SLC2A13: variants seen among roughly 807,000 people sequenced by gnomAD.
SLC2A13 encodes solute carrier family 2 member 13, also known as proton myo-inositol cotransporter.
Under a neutral mutation model 64.4 loss-of-function variants are expected in SLC2A13, and 32 were observed. That is an observed-to-expected ratio of 0.50 (90% confidence interval 0.37 to 0.67). The LOEUF (loss-of-function observed/expected upper bound fraction) is 0.67, where lower values mean the gene tolerates loss of function less well. Ranked by LOEUF, SLC2A13 falls within the 30% of genes least tolerant of loss-of-function variation. SLC2A13 has a pLI of 0.00. For synonymous variants in SLC2A13, 338 were observed against 327.1 expected (o/e 1.03, Z -0.36); for missense variants, 743 against 829.2 (o/e 0.90, Z 1.28).
chr12:39,878,798 G>A (rs1275344337), intron 4 of SLC2A13, among the ~76,000 whole-genome samples: 1 of 152,248 alleles, frequency 6.6e-6, no homozygotes, highest in Admixed American at 6.5e-5. Flanking sequence ...ATTTGCTAGA[G>A]AAATTTGCAT....
intron 1 of SLC2A13, among the ~76,000 whole-genome samples, chr12:40,057,298 A>C (rs1948346688): frequency 6.6e-6 from 1 of 152,156 alleles, no homozygotes; most frequent in Non-Finnish European, 1.5e-5. Context: ...AAACCATTAT[A>C]AGAAAAATAA....
chr12:39,963,999 C>A (rs1191594130), intron 3 of SLC2A13, among the ~76,000 whole-genome samples: 1 of 152,064 alleles, frequency 6.6e-6, no homozygotes, highest in Admixed American at 6.5e-5. Context: ...TTGAAATTGT[C>A]CCCCAGATTC....
intron 4 of SLC2A13, among the ~76,000 whole-genome samples, chr12:39,923,696 G>GCACACACA (rs368849811): frequency 2.7e-5 from 4 of 146,992 alleles, no homozygotes; most frequent in African/African-American, 1.0e-4. Context: ...ATGCGCACGC[G>GCACACACA]CACACACACA....
chr12:40,064,288 TA>T (rs1456755466), intron 1 of SLC2A13, among the ~76,000 whole-genome samples: 1 of 152,062 alleles, frequency 6.6e-6, no homozygotes, highest in African/African-American at 2.4e-5. Context: ...TGTATACATA[TA>T]TATTAATATG....
intron 7 of SLC2A13, among the ~76,000 whole-genome samples, chr12:39,815,068 T>G (rs533484305): frequency 2.6e-5 from 4 of 151,676 alleles, no homozygotes; most frequent in Non-Finnish European, 5.9e-5. Context: ...ATCAGCAAAC[T>G]AAGGATTAGA....
chr12:40,101,907 C>T (rs1279412529), intron 1 of SLC2A13, among the ~76,000 whole-genome samples: 4 of 151,302 alleles, frequency 2.6e-5, no homozygotes. Flanking sequence ...GAGACCCATT[C>T]CTCAGACTCA....
intron 3 of SLC2A13, among the ~76,000 whole-genome samples, chr12:39,968,505 A>T (rs1171871184): frequency 2.6e-5 from 4 of 151,988 alleles, no homozygotes; most frequent in Admixed American, 2.6e-4. Flanking sequence ...CTTGTAGCTC[A>T]GCAAAAATGG....
chr12:40,058,379 T>C (rs1467683566), intron 1 of SLC2A13, among the ~76,000 whole-genome samples: 1 of 152,152 alleles, frequency 6.6e-6, no homozygotes, highest in Non-Finnish European at 1.5e-5. Flanking sequence ...TCCAAGATAC[T>C]TTTAAATTAG....
intron 4 of SLC2A13, among the ~76,000 whole-genome samples, chr12:39,932,208 A>AT (rs35845678): frequency 1.3e-5 from 2 of 150,844 alleles, no homozygotes; most frequent in Non-Finnish European, 3.0e-5. Context: ...GAAAATGGAT[A>AT]TTTTTTTCCA....
chr12:40,008,114 T>C (rs952373114), intron 3 of SLC2A13, among the ~76,000 whole-genome samples: 1 of 152,172 alleles, frequency 6.6e-6, no homozygotes, highest in Non-Finnish European at 1.5e-5. Context: ...AAAAAACCTA[T>C]CCAGATTTTT....
chr12:39,964,584 TA>T, intron 3 of SLC2A13, among the ~76,000 whole-genome samples: 1 of 152,340 alleles, frequency 6.6e-6, no homozygotes, highest in South Asian at 2.1e-4. Flanking sequence ...ACTTGAGATT[TA>T]AAACTATCTT....
At chr12:39,989,340 C>T (rs28370637) in intron 3 of SLC2A13, among the ~76,000 whole-genome samples, 5,823 of 152,258 alleles carry the variant, frequency 0.038, 221 homozygotes, top group Admixed American at 0.12. Flanking sequence ...CTCAACCATC[C>T]TTTATCAATC....
At chr12:40,101,327 T>C (rs1294053829) in intron 1 of SLC2A13, among the ~76,000 whole-genome samples, 4 of 152,238 alleles carry the variant, frequency 2.6e-5, no homozygotes, top group African/African-American at 9.6e-5. Flanking sequence ...GGTCTTTTAC[T>C]ATACAATTCA....
intron 3 of SLC2A13, among the ~76,000 whole-genome samples, chr12:39,986,431 G>T (rs898264052): frequency 1.2e-4 from 18 of 151,898 alleles, no homozygotes; most frequent in Admixed American, 3.3e-4. Flanking sequence ...ACTAGTGCAT[G>T]GTTTCTCAAA....
intron 4 of SLC2A13, among the ~76,000 whole-genome samples, chr12:39,892,901 C>G (rs1056783191): frequency 1.3e-5 from 2 of 152,052 alleles, no homozygotes; most frequent in African/African-American, 4.8e-5. Context: ...AGCTTTAACA[C>G]TGTCATGTTA....
intron 7 of SLC2A13, among the ~76,000 whole-genome samples, chr12:39,767,170 T>C (rs73095657): frequency 0.016 from 2,404 of 152,174 alleles, 59 homozygotes; most frequent in African/African-American, 0.052. Context: ...TTGAAGTGAC[T>C]CCTTGATCCA....
chr12:39,787,584 T>A (rs1941236738), intron 7 of SLC2A13, among the ~76,000 whole-genome samples: 1 of 152,186 alleles, frequency 6.6e-6, no homozygotes, highest in South Asian at 2.1e-4. Flanking sequence ...TGGCTTCCTC[T>A]TCAGTCCCTA....
chr12:39,770,365 C>T (rs1329909324), intron 7 of SLC2A13, among the ~76,000 whole-genome samples: 11 of 152,084 alleles, frequency 7.2e-5, no homozygotes, highest in African/African-American at 2.7e-4. Context: ...AACGAAATGA[C>T]CTCTCCAGAA....
At chr12:39,980,115 G>C (rs1382710487) in intron 3 of SLC2A13, among the ~76,000 whole-genome samples, 2 of 151,640 alleles carry the variant, frequency 1.3e-5, no homozygotes, top group Non-Finnish European at 3.0e-5. Context: ...TTATAGACAA[G>C]CAAATGCTGA....
Sources: allele counts gnomAD v4.1 joint callset (sites outside exome capture counted in the v4.1 genomes callset), GRCh38; gene constraint gnomAD v4.1.1; transcripts MANE v1.5; gene names NCBI Gene and HGNC (gene_info 2026-07-23, HGNC 2026-07-21).